TMC2: variants seen among roughly 807,000 people sequenced by gnomAD.
TMC2 encodes transmembrane channel-like protein 2.
TMC2 carries 102 observed loss-of-function variants against 105.9 expected under a neutral mutation model. The ratio of observed to expected loss-of-function variants is 0.96; its 90% confidence interval spans 0.82 to 1.14. TMC2 has a LOEUF of 1.14. Ranked by LOEUF, TMC2 falls within the 50% of genes most tolerant of loss-of-function variation. TMC2 has a pLI of 0.00. For synonymous variants in TMC2, 402 were observed against 422.8 expected, an observed-to-expected ratio of 0.95 and a Z score of 0.60; for missense variants, 1,093 against 1,134.3, an observed-to-expected ratio of 0.96 and a Z score of 0.52.
chr20:2,597,238 C>A lies in TMC2; in HGVS notation c.1164C>A (p.Tyr388Ter), dbSNP rs773149790. ...TCAAGATGTTCACCAGCTGGGACTACCTGATCGGGAATTCAGAGACAGCTG... is the reference window on the plus strand; with the variant it reads ...TCAAGATGTTCACCAGCTGGGACTAACTGATCGGGAATTCAGAGACAGCTG... ...FSFKMFTSWDYLIGNSETADN... is the reference protein window; with the variant it reads ...FSFKMFTSWD Residue 388 changes from tyrosine (Y) to a stop codon, truncating the protein, a stop_gained, in exon 10 of 20, where the codon TAC becomes TAA. Coordinates refer to ENST00000358864, the MANE Select transcript of TMC2 (RefSeq NM_080751.3). LOFTEE classifies it high-confidence loss of function. 5.6e-6 allele frequency: 9 copies of A among 1,614,096 alleles called. No homozygotes were observed. The highest frequency in any genetic ancestry group is 7.6e-6 in the Non-Finnish European group (9 of 1,179,990).
intron 3 of TMC2, among the ~76,000 whole-genome samples, chr20:2,559,501 A>G (rs1286540184): frequency 1.3e-5 from 2 of 152,120 alleles, no homozygotes; most frequent in African/African-American, 4.8e-5. Context: ...AGGATAACAG[A>G]TGCCTTATTC....
chr20:2,611,829 A>ATGGATGG (rs1259740993), intron 12 of TMC2, among the ~76,000 whole-genome samples: 11 of 111,460 alleles, frequency 9.9e-5, no homozygotes, highest in African/African-American at 3.5e-4. Context: ...TAGATGGATG[A>ATGGATGG]ATGGATGGAT....
chr20:2,620,795 T>C (rs982563572), intron 16 of TMC2, among the ~76,000 whole-genome samples: 1 of 152,168 alleles, frequency 6.6e-6, no homozygotes, highest in African/African-American at 2.4e-5. Flanking sequence ...ATGGGCACAG[T>C]AGGGCAGAGT....
At chr20:2,636,933 G>A (rs2086651171) in intron 18 of TMC2, among the ~76,000 whole-genome samples, 1 of 152,140 alleles carries the variant, frequency 6.6e-6, no homozygotes, top group South Asian at 2.1e-4. Flanking sequence ...AATCTCACTG[G>A]GCTCCTGCCC....
At chr20:2,623,116 T>G (rs2146256123) in intron 16 of TMC2, among the ~76,000 whole-genome samples, 1 of 152,216 alleles carries the variant, frequency 6.6e-6, no homozygotes, top group East Asian at 1.9e-4. Context: ...ATTAAGCACT[T>G]GAAATGTGTA....
At chr20:2,568,398 A>G (rs1250893409) in intron 4 of TMC2, among the ~76,000 whole-genome samples, 1 of 152,052 alleles carries the variant, frequency 6.6e-6, no homozygotes, top group Non-Finnish European at 1.5e-5. Flanking sequence ...AACCAGGTGG[A>G]CTCTTCACAG....
At position 2,611,213 on chromosome 20, in the gene TMC2, C is replaced by A. The variant is rs149665026; in HGVS notation, c.1593+615C>A. Among the ~76,000 whole-genome samples, 136 of 152,350 alleles carry A rather than the reference C, an allele frequency of 8.9e-4. 2 individuals are homozygous for A. The highest frequency in any genetic ancestry group is 3.0e-3 in the African/African-American group (126 of 41,578). ...AGGGAACAGCTGGGTCAACAGGGAA[C>A]TGGAGTGGAGCAGAAGAGTGAAAAA... On this transcript the variant is annotated intron_variant, in intron 12 of 19. Coordinates refer to ENST00000358864, the MANE Select transcript of TMC2 (RefSeq NM_080751.3).
chr20:2,613,725 T>G, intron 14 of TMC2: 1 of 294,466 alleles, frequency 3.4e-6, no homozygotes, highest in Non-Finnish European at 6.6e-6. Context: ...ACAATAACCA[T>G]TGGTCCTGTC....
chr20:2,556,614 A>AT (rs941781606), intron 2 of TMC2, among the ~76,000 whole-genome samples: 2 of 152,090 alleles, frequency 1.3e-5, no homozygotes, highest in African/African-American at 2.4e-5. Context: ...TTAAAAAAAA[A>AT]TTGTTTTTTA....
rs376822004 is a variant in TMC2 at position 2,610,506 on chromosome 20, G to A, written c.1501G>A (p.Gly501Arg). 1.2e-6 allele frequency: 2 copies of A among 1,613,732 alleles called. No homozygotes were observed. The highest frequency in any genetic ancestry group is 8.5e-7 in the Non-Finnish European group (1 of 1,179,868). ...CCTGGAGAATTACCACCCACGCACT[G>A]GACTGAAGTGGCAGCTGGGACGCAT... ...AALENYHPRT[G>R]LKWQLGRIFA... The change falls in exon 12 of 20, where the codon GGA (glycine) becomes AGA (arginine). Residue 501 changes from glycine (G) to arginine (R), a missense_variant. Coordinates refer to ENST00000358864, the MANE Select transcript of TMC2 (RefSeq NM_080751.3).
rs1210708374 is a variant in TMC2, at chr20:2,641,539, C to A, written c.*188C>A. On this transcript the variant is annotated 3_prime_UTR_variant, in exon 20 of 20. Transcript: ENST00000358864. ...CCGAAGGAGGAAGACAGTGGCTTCA[C>A]CTGTCCTTTAGGGAAGCTGGAGCCA... 6.7e-5 allele frequency: 39 copies of A among 583,010 alleles called. No individual in the cohort carries two copies. The East Asian group carries it at 1.0e-3, about 16-fold the overall frequency. The allele number at this position is 583,010 out of a possible 1,614,324, so 36.1% of individuals were successfully genotyped here. A position where few individuals can be genotyped will look rare whatever the true frequency, so the allele number is the denominator to read the frequency against.
At chr20:2,595,119 G>A in intron 9 of TMC2, 152 bp downstream of exon 9, 1 of 926,134 alleles carries the variant, frequency 1.1e-6, no homozygotes, top group Non-Finnish European at 1.6e-6. Flanking sequence ...TTTGTGGTAT[G>A]AAAGACATGA....
intron 3 of TMC2, among the ~76,000 whole-genome samples, chr20:2,559,037 A>AGGCGGGGCGCGGGTGGAGAGGT (rs1229785655): frequency 2.6e-5 from 4 of 151,914 alleles, no homozygotes; most frequent in East Asian, 2.0e-4. Flanking sequence ...GCACCCGGTG[A>AGGCGGGGCGCGGGTGGAGAGGT]GGCGGGGCGC....
rs1299678517 is a variant in TMC2, at chr20:2,589,269, CCTGT to C, written c.835-3040_835-3037del. On this transcript the variant is annotated intron_variant, in intron 7 of 19. Transcript: ENST00000358864. ...TTTTTCCAGATATCTTCCTATTTGC[CCTGT>C]GTGTGTGTGTGTGTGTGTGTGTGTG... Among the ~76,000 whole-genome samples the C allele has an allele frequency of 9.2e-3, 779 of 84,686 alleles. 15 individuals are homozygous for C. The highest frequency in any genetic ancestry group is 0.033 in the South Asian group (85 of 2,612). 55.6% of individuals were successfully genotyped at this position (84,686 alleles called of 152,430 possible). A position where few individuals can be genotyped will look rare whatever the true frequency, so the allele number is the denominator to read the frequency against.
At chr20:2,576,915 T>G (rs1476530865) in intron 5 of TMC2, among the ~76,000 whole-genome samples, 3 of 45,072 alleles carry the variant, frequency 6.7e-5, no homozygotes, top group Non-Finnish European at 7.8e-5. Flanking sequence ...TTTTTTTTGT[T>G]TTTTTTTTTT....
chr20:2,568,621 T>C (rs1419284370), intron 4 of TMC2, among the ~76,000 whole-genome samples: 3 of 152,204 alleles, frequency 2.0e-5, no homozygotes, highest in African/African-American at 4.8e-5. Context: ...CTCATAGAAC[T>C]CCAAGTGCTT....
At chr20:2,537,360 G>A (rs375390402) in intron 2 of TMC2, 44 bp downstream of exon 2, 2 of 1,520,806 alleles carry the variant, frequency 1.3e-6, no homozygotes, top group Non-Finnish European at 1.8e-6. Context: ...GCAGTGCCTG[G>A]GTGCCCTCTG....
intron 11 of TMC2, among the ~76,000 whole-genome samples, chr20:2,604,322 A>G (rs2086373577): frequency 6.6e-6 from 1 of 152,226 alleles, no homozygotes; most frequent in African/African-American, 2.4e-5. Context: ...AATACCAGGC[A>G]GCAGCAGGTG....
chr20:2,587,110 C>T (rs2146205849), intron 7 of TMC2, among the ~76,000 whole-genome samples: 1 of 152,102 alleles, frequency 6.6e-6, no homozygotes, highest in Admixed American at 6.6e-5. Context: ...ATATTATTTG[C>T]ATGGTTCAAA....
Sources: allele counts gnomAD v4.1 joint callset (sites outside exome capture counted in the v4.1 genomes callset), GRCh38; gene constraint gnomAD v4.1.1; transcripts MANE v1.5; gene names NCBI Gene and HGNC (gene_info 2026-07-23, HGNC 2026-07-21).